Variants in NFYC observed in about 807,000 individuals in gnomAD.
NFYC encodes nuclear transcription factor Y subunit gamma.
A neutral mutation model predicts 53.1 loss-of-function variants in NFYC; 25 were observed. That is an observed-to-expected ratio of 0.47 (90% CI 0.34 to 0.66). The LOEUF (loss-of-function observed/expected upper bound fraction) is 0.66. Ranked by LOEUF, NFYC falls within the 30% of genes least tolerant of loss-of-function variation. The pLI, the probability that NFYC is intolerant of heterozygous loss-of-function variation, is 0.01. For missense variants in NFYC, 260 were observed against 422.7 expected (o/e 0.62, Z 3.38); for synonymous variants, 145 against 152.6 (o/e 0.95, Z 0.37).
chr1:40,763,089 G>A, intron 7 of NFYC, 43 bp downstream of exon 7: 2 of 1,480,276 alleles, frequency 1.4e-6, no homozygotes, highest in South Asian at 1.4e-5. Context: ...TTTATAGAAG[G>A]AAATACTTAA....
intron 1 of NFYC, among the ~76,000 whole-genome samples, chr1:40,699,955 G>A (rs181958247): frequency 1.3e-5 from 2 of 152,250 alleles, no homozygotes; most frequent in African/African-American, 2.4e-5. Flanking sequence ...TACATTACGC[G>A]GTGTTACTCA....
At chr1:40,720,068 C>A (rs1397496589) in intron 1 of NFYC, among the ~76,000 whole-genome samples, 1 of 152,170 alleles carries the variant, frequency 6.6e-6, no homozygotes, top group Non-Finnish European at 1.5e-5. Context: ...CAGTTCCTGA[C>A]AGCTGTATAC....
rs1177118737 is a variant in NFYC, at chr1:40,691,829, C to G, written c.-47C>G. The G allele has an allele frequency of 2.3e-6, 1 of 435,860 alleles. No individual in the cohort carries two copies. The highest frequency in any genetic ancestry group is 2.5e-5 in the Admixed American group (1 of 40,124). The allele number at this position is 435,860 out of a possible 1,614,324, so 27.0% of individuals were successfully genotyped here. On this transcript the variant is annotated 5_prime_UTR_variant, in exon 1 of 10. Transcript: ENST00000447388. ...TGCATTGCCCGACTCCGTAGGAGCG[C>G]GGGGGCGGCTCCTGCTCTTCCTGGA...
intron 7 of NFYC, chr1:40,763,327 T>C (rs1348132173): frequency 2.1e-6 from 1 of 468,410 alleles, no homozygotes; most frequent in Non-Finnish European, 4.2e-6. Context: ...TAGAGATATA[T>C]ATCACACGCA....
intron 5 of NFYC, among the ~76,000 whole-genome samples, chr1:40,756,807 C>A (rs1396076755): frequency 6.6e-6 from 1 of 152,244 alleles, no homozygotes; most frequent in Non-Finnish European, 1.5e-5. Flanking sequence ...CACGCACTTA[C>A]TGAGTGCCTA....
chr1:40,759,589 A>T (rs1222368722), intron 6 of NFYC, among the ~76,000 whole-genome samples: 1 of 149,990 alleles, frequency 6.7e-6, no homozygotes, highest in Non-Finnish European at 1.5e-5. Flanking sequence ...GTGTGTGTGT[A>T]TTATATATGT....
At chr1:40,707,125 G>T (rs1265590806) in intron 1 of NFYC, among the ~76,000 whole-genome samples, 1 of 150,902 alleles carries the variant, frequency 6.6e-6, no homozygotes, top group Non-Finnish European at 1.5e-5. Context: ...AGCTGAGATC[G>T]CACCGTTGTA....
chr1:40,727,329 TC>T, intron 1 of NFYC, among the ~76,000 whole-genome samples: 1 of 152,138 alleles, frequency 6.6e-6, no homozygotes, highest in Admixed American at 6.5e-5. Flanking sequence ...GCTCAAGTGA[TC>T]CTCCCACCTC....
At chr1:40,693,414 T>C (rs1642950875) in intron 1 of NFYC, among the ~76,000 whole-genome samples, 1 of 152,246 alleles carries the variant, frequency 6.6e-6, no homozygotes, top group Non-Finnish European at 1.5e-5. Flanking sequence ...TTGTTTTTCC[T>C]TGTTTTTGTT....
intron 1 of NFYC, among the ~76,000 whole-genome samples, chr1:40,702,100 G>A (rs990407073): frequency 4.6e-5 from 7 of 152,122 alleles, no homozygotes; most frequent in Non-Finnish European, 7.4e-5. Flanking sequence ...GAGCTGAAGC[G>A]AGTCTTTGCA....
chr1:40,755,275 A>G (rs1646148929), intron 5 of NFYC, among the ~76,000 whole-genome samples: 1 of 152,210 alleles, frequency 6.6e-6, no homozygotes, highest in Admixed American at 6.5e-5. Flanking sequence ...GAAAGATTCC[A>G]AGAGCAAGCC....
intron 1 of NFYC, among the ~76,000 whole-genome samples, chr1:40,718,191 TA>T (rs1644207159): frequency 6.6e-6 from 1 of 152,240 alleles, no homozygotes; most frequent in Admixed American, 6.5e-5. Context: ...GCAGTGTTTA[TA>T]TGAATAGTAC....
At chr1:40,761,431 G>A (rs565536635) in intron 6 of NFYC, among the ~76,000 whole-genome samples, 1 of 152,236 alleles carries the variant, frequency 6.6e-6, no homozygotes, top group African/African-American at 2.4e-5. Flanking sequence ...GAATACATAT[G>A]TATTAAAGCA....
chr1:40,726,642 C>T (rs1644532904), intron 1 of NFYC, among the ~76,000 whole-genome samples: 2 of 152,108 alleles, frequency 1.3e-5, no homozygotes. Flanking sequence ...GTCTCAAACT[C>T]CTGGGCTGAA....
chr1:40,734,650 C>G (rs896817696), intron 1 of NFYC, among the ~76,000 whole-genome samples: 1 of 152,114 alleles, frequency 6.6e-6, no homozygotes, highest in Non-Finnish European at 1.5e-5. Context: ...CGTGAACCAC[C>G]GTGCCCGGCC....
intron 6 of NFYC, 120 bp from the exon 7 acceptor site, chr1:40,762,768 T>G (rs1451636764): frequency 3.7e-5 from 33 of 892,406 alleles, no homozygotes; most frequent in African/African-American, 1.0e-4. Context: ...AGTACTGAGA[T>G]GACCTTAGGC....
intron 1 of NFYC, among the ~76,000 whole-genome samples, chr1:40,716,088 A>G (rs1644124538): frequency 6.6e-6 from 1 of 152,248 alleles, no homozygotes; most frequent in African/African-American, 2.4e-5. Flanking sequence ...TTTCAAGGAA[A>G]TGCTAAAGTT....
rs529652283 is a variant in NFYC, at chr1:40,732,182, G to C, written c.-8-6654G>C. On this transcript the variant is annotated intron_variant, in intron 1 of 9. Transcript: ENST00000447388. Reference sequence around the variant, plus strand: ...TTAGTTTTAGTTACCTCAAAGAGCTGTATTGTGGGTTTAGGCTACTATAAA... The same window carrying C: ...TTAGTTTTAGTTACCTCAAAGAGCTCTATTGTGGGTTTAGGCTACTATAAA... Among the ~76,000 whole-genome samples, 6 of 152,324 alleles carry C rather than the reference G, an allele frequency of 3.9e-5. No homozygotes were observed. In the South Asian group the frequency reaches 1.2e-3, roughly 32 times the overall value.
intron 1 of NFYC, among the ~76,000 whole-genome samples, chr1:40,703,190 T>C (rs761763058): frequency 2.6e-4 from 40 of 152,200 alleles, no homozygotes; most frequent in African/African-American, 8.7e-4. Context: ...GTCTGTCTTT[T>C]ACTTCTTAAA....
Sources: allele counts gnomAD v4.1 joint callset (sites outside exome capture counted in the v4.1 genomes callset), GRCh38; gene constraint gnomAD v4.1.1; transcripts MANE v1.5; gene names NCBI Gene and HGNC (gene_info 2026-07-23, HGNC 2026-07-21).